POLH: variants seen among roughly 807,000 people sequenced by gnomAD.
POLH encodes DNA polymerase eta.
POLH carries 53 observed loss-of-function variants against 73.6 expected under a neutral mutation model. The observed-to-expected ratio is 0.72, with a 90% CI of 0.58 to 0.91. POLH has a LOEUF of 0.91. Among genes scored for constraint, POLH ranks in the 40% least tolerant of loss-of-function variants. The pLI is 0.00. For synonymous variants in POLH, 292 were observed against 308.5 expected, an observed-to-expected ratio of 0.95 and a Z score of 0.56; for missense variants, 768 against 865.4, an observed-to-expected ratio of 0.89 and a Z score of 1.41.
Position 43,604,731 on chromosome 6 carries a change from G to C in POLH, c.1001G>C (p.Arg334Pro). 1 of 1,614,042 alleles carries C rather than the reference G, an allele frequency of 6.2e-7. No individual in the cohort carries two copies. The highest frequency in any genetic ancestry group is 1.1e-5 in the South Asian group (1 of 91,066). ...CCAGGAAAAACAGCTCTTGCTACTC[G>C]GGAACAGGTAAGCTGGCATTCTTGA... ...NFPGKTALAT[R>P]EQVQWWLLQL... is the part of the protein sequence containing the mutation. Residue 334 changes from arginine (R) to proline (P), a missense_variant, in exon 8 of 11, where the codon CGG (arginine) becomes CCG (proline). Coordinates refer to ENST00000372236, the MANE Select transcript of POLH (RefSeq NM_006502.3).
intron 1 of POLH, among the ~76,000 whole-genome samples, chr6:43,581,873 C>T (rs923412225): frequency 2.0e-5 from 3 of 150,610 alleles, no homozygotes; most frequent in African/African-American, 7.3e-5. Context: ...CGCCTTCGAG[C>T]CTTCTAGGGC....
At chr6:43,590,374 A>C (rs1303362767) in intron 4 of POLH, among the ~76,000 whole-genome samples, 3 of 151,826 alleles carry the variant, frequency 2.0e-5, no homozygotes, top group African/African-American at 7.3e-5. Flanking sequence ...AAAAAAACAA[A>C]AAACTTGCTT....
chr6:43,613,708 C>T lies in POLH; in HGVS notation c.1293C>T (p.Ala431=), dbSNP rs769551947. ...TCCTCTGTGCTACAAAATTTTCTGC[C>T]TCTGCCCCTTCATCTTCTACAGACA... ...MLFLCATKFS[A]SAPSSSTDIT... is the part of the protein sequence containing the mutation. Residue 431 remains alanine (A), a synonymous_variant, in exon 11 of 11, where the codon GCC becomes GCT. Transcript: ENST00000372236. The T allele has an allele frequency of 1.9e-6, 3 of 1,613,940 alleles. No individual in the cohort carries two copies. Among genetic ancestry groups the T allele is most frequent in the Non-Finnish European group, 1.7e-6 (2 of 1,179,950 alleles).
At chr6:43,582,780 C>A (rs1205798612) in intron 2 of POLH, among the ~76,000 whole-genome samples, 1 of 152,218 alleles carries the variant, frequency 6.6e-6, no homozygotes, top group African/African-American at 2.4e-5. Flanking sequence ...CTCCCGGCCT[C>A]AAGCAGTCCT....
chr6:43,604,471 CAG>C, intron 7 of POLH, 142 bp from the exon 8 acceptor site: 1 of 811,072 alleles, frequency 1.2e-6, no homozygotes. Context: ...GGGGTTTCGT[CAG>C]AGGTCCGGTA....
chr6:43,586,576 A>G (rs1463423512), intron 3 of POLH, among the ~76,000 whole-genome samples: 2 of 152,264 alleles, frequency 1.3e-5, no homozygotes, highest in African/African-American at 4.8e-5. Context: ...AATAGAAGAC[A>G]TACGATGAGA....
chr6:43,582,588 C>T (rs1473618016), intron 2 of POLH, 132 bp downstream of exon 2: 4 of 896,044 alleles, frequency 4.5e-6, no homozygotes, highest in Non-Finnish European at 7.5e-6. Flanking sequence ...AGCGCAGTGG[C>T]ACCATCAGCT....
At chr6:43,597,346 C>T (rs1429071677) in intron 4 of POLH, among the ~76,000 whole-genome samples, 1 of 152,172 alleles carries the variant, frequency 6.6e-6, no homozygotes, top group Non-Finnish European at 1.5e-5. Context: ...AACTCCTGAC[C>T]TCAGGTGATC....
chr6:43,589,637 CTT>C (rs1023985234), intron 4 of POLH, among the ~76,000 whole-genome samples: 7 of 139,942 alleles, frequency 5.0e-5, no homozygotes, highest in Middle Eastern at 3.3e-3. Context: ...AGTTCCTTGT[CTT>C]TTTTTTTTTT....
chr6:43,613,914 C>A lies in POLH; in HGVS notation c.1499C>A (p.Ser500Tyr). ...AAAGTTAAAGAAGCTTCGCTTTCATCTCTTACTGCTCCCACTCAGGCTCCC... is the reference window on the plus strand; with the variant it reads ...AAAGTTAAAGAAGCTTCGCTTTCATATCTTACTGCTCCCACTCAGGCTCCC... Reference protein sequence around the residue: ...RQKVKEASLSSLTAPTQAPMS... With the variant: ...RQKVKEASLSYLTAPTQAPMS... Residue 500 changes from serine to tyrosine, a missense_variant, in exon 11 of 11, where the codon TCT becomes TAT. Physicochemically the swap from Ser to Tyr is moderately radical, Grantham distance 144. Coordinates refer to ENST00000372236, the MANE Select transcript of POLH (RefSeq NM_006502.3). 1 of 1,614,090 alleles carries A rather than the reference C, an allele frequency of 6.2e-7. No individual in the cohort carries two copies. Among genetic ancestry groups the A allele is most frequent in the Non-Finnish European group, 8.5e-7 (1 of 1,180,036 alleles).
chr6:43,616,063 C>T lies in POLH; in HGVS notation c.*1506C>T, dbSNP rs1230096246. On this transcript the variant is annotated 3_prime_UTR_variant, in exon 11 of 11. Transcript: ENST00000372236. ...CAGCACTTTGGGAGGCCGAGGCGGGCGGATCACAAGGTCAGGAGATCGAGA... is the reference window on the plus strand; with the variant it reads ...CAGCACTTTGGGAGGCCGAGGCGGGTGGATCACAAGGTCAGGAGATCGAGA... 4.6e-5 allele frequency among the ~76,000 whole-genome samples: 7 copies of T among 151,834 alleles called. No homozygotes were observed. Among genetic ancestry groups the T allele is most frequent in the African/African-American group, 7.3e-5 (3 of 41,374 alleles).
chr6:43,581,565 C>T (rs1423218838), intron 1 of POLH, among the ~76,000 whole-genome samples: 4 of 150,530 alleles, frequency 2.7e-5, no homozygotes, highest in South Asian at 2.1e-4. Flanking sequence ...CCCTCGGGCC[C>T]GCGGGGCCCG....
chr6:43,604,767 C>T (rs763831714), intron 8 of POLH, 29 bp downstream of exon 8: 12 of 1,613,464 alleles, frequency 7.4e-6, no homozygotes, highest in Non-Finnish European at 9.3e-6. Flanking sequence ...CAGAACACTA[C>T]CTCTTTTAAA....
chr6:43,603,060 G>A (rs572462083), intron 6 of POLH, among the ~76,000 whole-genome samples: 1 of 147,658 alleles, frequency 6.8e-6, no homozygotes, highest in South Asian at 2.1e-4. Flanking sequence ...GAGTGCAGTG[G>A]CACAATTAAG....
chr6:43,577,867 G>C (rs926907279), intron 1 of POLH, among the ~76,000 whole-genome samples: 5 of 143,300 alleles, frequency 3.5e-5, no homozygotes, highest in Non-Finnish European at 7.6e-5. Context: ...GGCGGATCAC[G>C]AGGTCAGGAG....
At chr6:43,605,215 G>A (rs1257016556) in intron 8 of POLH, 39 bp from the exon 9 acceptor site, 1 of 1,180,302 alleles carries the variant, frequency 8.5e-7, no homozygotes, top group East Asian at 2.4e-5. Context: ...TAGACTTCGA[G>A]TGTTTAAATG....
chr6:43,592,451 G>A (rs1355273678), intron 4 of POLH, among the ~76,000 whole-genome samples: 2 of 138,502 alleles, frequency 1.4e-5, no homozygotes, highest in East Asian at 2.1e-4. Context: ...TCGCTCTGTC[G>A]CCCAGGCTGG....
chr6:43,604,883 A>G (rs1369201317), intron 8 of POLH, 145 bp downstream of exon 8: 2 of 861,862 alleles, frequency 2.3e-6, no homozygotes, highest in Non-Finnish European at 3.9e-6. Context: ...TTGAAAATTG[A>G]CTAGTTTATG....
chr6:43,618,214 G>C lies in POLH; in HGVS notation c.*3657G>C, dbSNP rs1221288831. On this transcript the variant is annotated 3_prime_UTR_variant, in exon 11 of 11. Coordinates refer to ENST00000372236, the MANE Select transcript of POLH (RefSeq NM_006502.3). ...CTGTGTAGCCAGGCTGGAGTGCAGT[G>C]GTGCAATCTTGGCTCACTGCAACCT... Among the ~76,000 whole-genome samples, 1 of 151,840 alleles carries C rather than the reference G, an allele frequency of 6.6e-6. No homozygotes were observed. Among genetic ancestry groups the C allele is most frequent in the African/African-American group, 2.4e-5 (1 of 41,300 alleles).
Sources: gnomAD v4.1 joint callset for allele counts (sites outside exome capture counted in the v4.1 genomes callset) on GRCh38, gnomAD v4.1.1 for gene constraint, MANE v1.5 for transcripts, NCBI Gene and HGNC (gene_info 2026-07-23, HGNC 2026-07-21) for gene names.